MALRD1: variants seen among roughly 807,000 people sequenced by gnomAD.
MALRD1 encodes the protein MAM and LDL receptor class A domain containing 1.
A neutral mutation model predicts 242.1 loss-of-function variants in MALRD1; 247 were observed. The observed-to-expected ratio is 1.02, with a 90% CI of 0.92 to 1.13. MALRD1 has a LOEUF of 1.13. Among genes scored for constraint, MALRD1 ranks in the 50% most tolerant of loss-of-function variants. MALRD1 has a pLI of 0.00. For synonymous variants in MALRD1, 995 were observed against 866.6 expected (o/e 1.15, Z -2.60); for missense variants, 2,989 against 2,533.1 (o/e 1.18, Z -3.86).
At position 19,696,329 on chromosome 10, in the gene MALRD1, A is replaced by G. The variant is rs373018994; in HGVS notation, c.6314+3775A>G. ...CAGCAAGATAAGGGCTCACTAAAAG[A>G]TTTAATAACATTTTTAGAAATTAAA... On this transcript the variant is annotated intron_variant, in intron 38 of 39. Transcript: ENST00000454679. 1.4e-4 allele frequency among the ~76,000 whole-genome samples: 21 copies of G among 152,302 alleles called. No homozygotes were observed. The East Asian group carries it at 4.1e-3, about 29-fold the overall frequency.
intron 33 of MALRD1, among the ~76,000 whole-genome samples, chr10:19,580,431 GT>G (rs1226854922): frequency 6.6e-6 from 1 of 152,054 alleles, no homozygotes; most frequent in East Asian, 1.9e-4. Context: ...TGATAATAGG[GT>G]TTTCACTTTT....
At chr10:19,727,534 A>G (rs952783557) in intron 38 of MALRD1, among the ~76,000 whole-genome samples, 2 of 152,200 alleles carry the variant, frequency 1.3e-5, no homozygotes, top group East Asian at 1.9e-4. Context: ...TATAAGATAA[A>G]CTTAATAATA....
chr10:19,121,920 G>A (rs1265884434), intron 5 of MALRD1, among the ~76,000 whole-genome samples: 1 of 152,232 alleles, frequency 6.6e-6, no homozygotes, highest in East Asian at 1.9e-4. Context: ...TAGGAAAGCG[G>A]AAAAGGAAAG....
chr10:19,323,159 A>G (rs886788493), intron 21 of MALRD1, among the ~76,000 whole-genome samples: 4 of 152,166 alleles, frequency 2.6e-5, no homozygotes, highest in African/African-American at 9.6e-5. Flanking sequence ...AGTGAAACTG[A>G]GCTAAATCAA....
intron 18 of MALRD1, among the ~76,000 whole-genome samples, chr10:19,217,532 CTTT>C (rs34267262): frequency 5.2e-5 from 6 of 116,370 alleles, no homozygotes; most frequent in Admixed American, 8.9e-5. Context: ...ATCATGCAGT[CTTT>C]TTTTTTTTTT....
intron 12 of MALRD1, among the ~76,000 whole-genome samples, chr10:19,157,935 A>G (rs549722649): frequency 6.6e-6 from 1 of 152,226 alleles, no homozygotes; most frequent in Non-Finnish European, 1.5e-5. Context: ...TGGCCAACAC[A>G]TGGCATCAGC....
At chr10:19,141,954 C>T (rs1054689904) in intron 10 of MALRD1, among the ~76,000 whole-genome samples, 2 of 151,762 alleles carry the variant, frequency 1.3e-5, no homozygotes, top group African/African-American at 4.8e-5. Context: ...GGGTGGATCA[C>T]GAGGTCAGGA....
At chr10:19,288,881 C>T (rs899527456) in intron 21 of MALRD1, among the ~76,000 whole-genome samples, 5 of 152,092 alleles carry the variant, frequency 3.3e-5, no homozygotes, top group African/African-American at 7.2e-5. Context: ...CTGTGTGGGA[C>T]CTCCTTCTGC....
intron 31 of MALRD1, among the ~76,000 whole-genome samples, chr10:19,506,308 G>C (rs1833136186): frequency 6.6e-6 from 1 of 152,176 alleles, no homozygotes; most frequent in Non-Finnish European, 1.5e-5. Context: ...GAAAGTAGAG[G>C]AAAAGAACAG....
chr10:19,328,433 C>G (rs1354575598), intron 23 of MALRD1, among the ~76,000 whole-genome samples: 3 of 152,072 alleles, frequency 2.0e-5, no homozygotes, highest in African/African-American at 7.2e-5. Flanking sequence ...GTCTTAACTG[C>G]CTGGGTCTTA....
At chr10:19,641,534 T>C (rs554660506) in intron 36 of MALRD1, among the ~76,000 whole-genome samples, 153 of 152,284 alleles carry the variant, frequency 1.0e-3, no homozygotes, top group African/African-American at 3.4e-3. Flanking sequence ...ATATTGGTCA[T>C]CATTTAGAAC....
At chr10:19,282,084 A>G (rs1044396444) in intron 20 of MALRD1, among the ~76,000 whole-genome samples, 2 of 151,604 alleles carry the variant, frequency 1.3e-5, no homozygotes, top group African/African-American at 4.9e-5. Context: ...GATCCCTAGA[A>G]CCTATTCATC....
At position 19,383,541 on chromosome 10, in the gene MALRD1, T is replaced by C. The variant is rs183328125; in HGVS notation, c.4442-3987T>C. Among the ~76,000 whole-genome samples, 421 of 152,212 alleles carry C rather than the reference T, an allele frequency of 2.8e-3. 4 individuals are homozygous for C. The highest frequency in any genetic ancestry group is 9.8e-3 in the African/African-American group (406 of 41,546). ...TGTATGTGTCTTTATGGTAGAATGA[T>C]TTATATTCCTTTGATAACTTTTTGA... On this transcript the variant is annotated intron_variant, in intron 26 of 39. Coordinates refer to ENST00000454679, the MANE Select transcript of MALRD1 (RefSeq NM_001142308.3).
intron 28 of MALRD1, among the ~76,000 whole-genome samples, chr10:19,435,631 T>C (rs1834323771): frequency 6.6e-6 from 1 of 152,182 alleles, no homozygotes. Context: ...CCCATTGTTA[T>C]CACATCATGT....
chr10:19,358,373 C>A (rs1316243344), intron 26 of MALRD1, among the ~76,000 whole-genome samples: 1 of 152,130 alleles, frequency 6.6e-6, no homozygotes, highest in Non-Finnish European at 1.5e-5. Context: ...TCACTCATTT[C>A]TCTGCAATAT....
At chr10:19,329,517 A>T (rs1843274245) in intron 23 of MALRD1, among the ~76,000 whole-genome samples, 1 of 152,088 alleles carries the variant, frequency 6.6e-6, no homozygotes, top group South Asian at 2.1e-4. Context: ...ATGAATTTTT[A>T]AAATATTTAC....
chr10:19,258,318 G>A (rs1839606859), intron 19 of MALRD1, among the ~76,000 whole-genome samples: 2 of 151,972 alleles, frequency 1.3e-5, no homozygotes, highest in Admixed American at 6.6e-5. Flanking sequence ...ATGTCTAGAA[G>A]GCATCTTAAA....
At chr10:19,145,182 A>T (rs1412777099) in intron 10 of MALRD1, among the ~76,000 whole-genome samples, 5 of 152,228 alleles carry the variant, frequency 3.3e-5, no homozygotes, top group Non-Finnish European at 5.9e-5. Context: ...TTCTAGTTGA[A>T]TGCCCAGTCT....
At chr10:19,498,089 G>A (rs116001411) in intron 30 of MALRD1, among the ~76,000 whole-genome samples, 5,177 of 152,206 alleles carry the variant, frequency 0.034, 163 homozygotes, top group African/African-American at 0.084. Context: ...ATGACTTTGC[G>A]TCGCTAATAG....
Sources: gnomAD v4.1 joint callset for allele counts (sites outside exome capture counted in the v4.1 genomes callset) on GRCh38, gnomAD v4.1.1 for gene constraint, MANE v1.5 for transcripts, NCBI Gene and HGNC (gene_info 2026-07-23, HGNC 2026-07-21) for gene names.